Variants in CACNA2D3 observed in about 807,000 individuals in gnomAD.
CACNA2D3 encodes the protein voltage-dependent calcium channel subunit alpha-2/delta-3.
A neutral mutation model predicts 160.6 loss-of-function variants in CACNA2D3; 60 were observed. That is an observed-to-expected ratio of 0.37 (90% CI 0.30 to 0.46). The LOEUF (loss-of-function observed/expected upper bound fraction) is 0.46. CACNA2D3 is among the 20% of genes least tolerant of loss of function. The pLI, the probability that CACNA2D3 is intolerant of heterozygous loss-of-function variation, is 1.00. For missense variants in CACNA2D3, 1,205 were observed against 1,365.0 expected (o/e 0.88, Z 1.85); for synonymous variants, 558 against 492.9 (o/e 1.13, Z -1.75).
chr3:54,999,044 C>T (rs544999588), intron 31 of CACNA2D3, among the ~76,000 whole-genome samples: 1 of 152,304 alleles, frequency 6.6e-6, no homozygotes, highest in South Asian at 2.1e-4. Flanking sequence ...CCGCGCCCGG[C>T]CAGCTAAAGT....
chr3:54,756,697 C>G (rs961336570), intron 12 of CACNA2D3, among the ~76,000 whole-genome samples: 9 of 152,152 alleles, frequency 5.9e-5, no homozygotes, highest in Non-Finnish European at 8.8e-5. Context: ...CTCACGTTGT[C>G]CCTGAGTTAG....
chr3:54,232,448 A>G (rs1447666722), intron 2 of CACNA2D3, among the ~76,000 whole-genome samples: 2 of 152,226 alleles, frequency 1.3e-5, no homozygotes, highest in African/African-American at 4.8e-5. Context: ...GCCCTGGGCT[A>G]AGAACCTCAT....
intron 27 of CACNA2D3, among the ~76,000 whole-genome samples, chr3:54,909,642 GA>G (rs1339364310): frequency 6.2e-5 from 8 of 128,482 alleles, no homozygotes; most frequent in African/African-American, 1.6e-4. Context: ...TTTTTTTTGT[GA>G]TTTTTTTTTT....
Position 54,220,797 on chromosome 3 carries a change from G to A in CACNA2D3, c.204+97203G>A, listed in dbSNP as rs1303620077. Reference sequence around the variant, plus strand: ...CTGTCTTCTCTCCAGAGCCAGGGCTGAGGGTGTCCTGCTCAGCTATGCTGC... The same window carrying A: ...CTGTCTTCTCTCCAGAGCCAGGGCTAAGGGTGTCCTGCTCAGCTATGCTGC... On this transcript the variant is annotated intron_variant, in intron 2 of 37. Transcript: ENST00000474759. Among the ~76,000 whole-genome samples, 7 of 152,232 alleles carry A rather than the reference G, an allele frequency of 4.6e-5. No individual in the cohort carries two copies. The East Asian group carries it at 1.3e-3, about 29-fold the overall frequency.
At position 54,667,212 on chromosome 3, in the gene CACNA2D3, G is replaced by A. The variant is rs183265704; in HGVS notation, c.1167+24971G>A. On this transcript the variant is annotated intron_variant, in intron 11 of 37. Transcript: ENST00000474759. ...ATTTATGAGACATTCATGTAAAAAG[G>A]ACCCTACCTTGAACTATTTTTTTTC... is the stretch of plus-strand genomic sequence containing the variant. Among the ~76,000 whole-genome samples, 39 of 149,520 alleles carry A rather than the reference G, an allele frequency of 2.6e-4. No homozygotes were observed. In the East Asian group the frequency reaches 7.0e-3, roughly 27 times the overall value.
At chr3:54,168,632 A>G (rs896031640) in intron 2 of CACNA2D3, among the ~76,000 whole-genome samples, 3 of 152,110 alleles carry the variant, frequency 2.0e-5, no homozygotes, top group Admixed American at 6.5e-5. Flanking sequence ...CATTCCTGCC[A>G]CTGTTACTGT....
intron 3 of CACNA2D3, among the ~76,000 whole-genome samples, chr3:54,332,125 C>T (rs572022838): frequency 8.5e-5 from 13 of 152,280 alleles, no homozygotes; most frequent in African/African-American, 2.4e-4. Context: ...AGCATTAAGC[C>T]TTCATCAACA....
intron 4 of CACNA2D3, among the ~76,000 whole-genome samples, chr3:54,404,304 A>G (rs915239847): frequency 2.0e-5 from 3 of 152,172 alleles, no homozygotes; most frequent in Non-Finnish European, 2.9e-5. Flanking sequence ...ATCATGATCG[A>G]GAGAGATGTA....
intron 8 of CACNA2D3, among the ~76,000 whole-genome samples, chr3:54,579,345 G>A (rs1702637340): frequency 6.6e-6 from 1 of 152,156 alleles, no homozygotes; most frequent in South Asian, 2.1e-4. Context: ...TTCCTGCTGT[G>A]TCTTCCTTGG....
intron 23 of CACNA2D3, among the ~76,000 whole-genome samples, chr3:54,886,041 G>A (rs1393708498): frequency 6.6e-6 from 1 of 152,128 alleles, no homozygotes; most frequent in African/African-American, 2.4e-5. Flanking sequence ...TGAGTGCCCT[G>A]CCTACCAAGC....
chr3:54,565,457 T>A (rs533210932), intron 6 of CACNA2D3, among the ~76,000 whole-genome samples: 1 of 152,280 alleles, frequency 6.6e-6, no homozygotes, highest in South Asian at 2.1e-4. Flanking sequence ...GCTTCACACA[T>A]AGGCCTTCAC....
intron 10 of CACNA2D3, chr3:54,633,471 TTGAAGAGTAAGAAAAATC>T (rs1699291639): frequency 1.3e-5 from 2 of 152,258 alleles, no homozygotes; most frequent in South Asian, 4.1e-4. Flanking sequence ...TTGCAGAAGT[TTGAAGAGTAAGAAAAATC>T]GGATTTATTG....
intron 15 of CACNA2D3, 82 bp from the exon 16 acceptor site, chr3:54,838,486 C>T (rs1015150789): frequency 1.6e-5 from 17 of 1,081,760 alleles, no homozygotes; most frequent in African/African-American, 3.1e-5. Context: ...ACCAGGCAGA[C>T]GGTATGTGAC....
rs369335335 is a variant in CACNA2D3 at position 54,313,816 on chromosome 3, G to T, written c.205-6626G>T. On this transcript the variant is annotated intron_variant, in intron 2 of 37. Transcript: ENST00000474759. ...GTCACTGCCCTGACTACCCTCATCA[G>T]ACTTTCCCTGATGCTGCATCTTCCT... is the stretch of plus-strand genomic sequence containing the variant. 8.8e-5 allele frequency among the ~76,000 whole-genome samples: 12 copies of T among 136,768 alleles called. No individual in the cohort carries two copies. The South Asian group carries it at 1.9e-3, about 22-fold the overall frequency. The allele number at this position is 136,768 out of a possible 152,430, so 89.7% of individuals were successfully genotyped here. A position where few individuals can be genotyped will look rare whatever the true frequency, so the allele number is the denominator to read the frequency against.
chr3:54,345,928 G>A (rs1272557797), intron 3 of CACNA2D3, among the ~76,000 whole-genome samples: 2 of 151,968 alleles, frequency 1.3e-5, no homozygotes, highest in African/African-American at 4.8e-5. Flanking sequence ...ACAGGGAGCT[G>A]GAAATTTCCC....
intron 2 of CACNA2D3, among the ~76,000 whole-genome samples, chr3:54,224,431 G>A (rs1701632586): frequency 6.6e-6 from 1 of 152,066 alleles, no homozygotes; most frequent in Non-Finnish European, 1.5e-5. Context: ...TGTGTGATTG[G>A]CATTGTAATA....
chr3:54,665,178 G>A (rs560116488), intron 11 of CACNA2D3, among the ~76,000 whole-genome samples: 6 of 152,262 alleles, frequency 3.9e-5, no homozygotes, highest in Admixed American at 1.3e-4. Flanking sequence ...CTGTGGAAAC[G>A]ACATGTCCTG....
At chr3:55,062,534 T>C (rs920763521) in intron 35 of CACNA2D3, among the ~76,000 whole-genome samples, 1 of 152,112 alleles carries the variant, frequency 6.6e-6, no homozygotes, top group Non-Finnish European at 1.5e-5. Context: ...AACAAAATAT[T>C]AATAGCTGTC....
chr3:54,676,328 T>C (rs1255356407), intron 11 of CACNA2D3, among the ~76,000 whole-genome samples: 1 of 152,168 alleles, frequency 6.6e-6, no homozygotes, highest in Non-Finnish European at 1.5e-5. Flanking sequence ...AGAATGGTTT[T>C]ATTGCTAGCT....
Sources: gnomAD v4.1 joint callset for allele counts (sites outside exome capture counted in the v4.1 genomes callset) on GRCh38, gnomAD v4.1.1 for gene constraint, MANE v1.5 for transcripts, NCBI Gene and HGNC (gene_info 2026-07-23, HGNC 2026-07-21) for gene names.